ATRX: variants seen among roughly 807,000 people sequenced by gnomAD.
The protein encoded by ATRX is chromatin remodeler ATRX.
In ATRX, 12 loss-of-function variants were observed where a neutral mutation model predicts 172.6. The observed-to-expected ratio is 0.07, with a 90% CI of 0.04 to 0.11. The LOEUF (loss-of-function observed/expected upper bound fraction) is 0.11, where lower values mean the gene tolerates loss of function less well. ATRX is among the 10% of genes least tolerant of loss of function. The pLI is 1.00. For synonymous variants in ATRX, 674 were observed against 594.7 expected (o/e 1.13, Z -1.94); for missense variants, 1,368 against 1,767.4 (o/e 0.77, Z 4.05).
At position 77,574,267 on chromosome X, in the gene ATRX, A is replaced by C; in HGVS notation, c.6309T>G (p.Asn2103Lys). The change falls in exon 28 of 35, where the codon AAT becomes AAG. Residue 2103 changes from asparagine to lysine, a missense_variant. By Grantham distance (94) the Asn-to-Lys change is moderately conservative (BLOSUM62 0). Coordinates refer to ENST00000373344, the MANE Select transcript of ATRX (RefSeq NM_000489.6). ...QSRKKWAEEF[N>K]DETNVRGRLF... ...TTTCCTACCTCACATTAGTTTCATC[A>C]TTAAATTCTTCAGCCCACTTCTTCC... 1 of 1,201,883 alleles carries C rather than the reference A, an allele frequency of 8.3e-7. No individual in the cohort carries two copies.
At chrX:77,585,583 CAAAAAAAAAAAAAAAAAAAAAAAAAA>C (rs781792876) in intron 27 of ATRX, among the ~76,000 whole-genome samples, 109 of 8,556 alleles carry the variant, frequency 0.013, 3 homozygotes, top group South Asian at 0.068. Flanking sequence ...CTCCCCCCAC[CAAAAAAAAAAAAAAAAAAAAAAAAAA>C]AAAAAAAAAA....
At chrX:77,554,127 A>T (rs2064671641) in intron 30 of ATRX, among the ~76,000 whole-genome samples, 1 of 110,936 alleles carries the variant, frequency 9.0e-6, no homozygotes, top group African/African-American at 3.3e-5. Context: ...CAACATGGTG[A>T]AACCCCATCT....
chrX:77,747,966 A>C lies in ATRX; in HGVS notation c.21-30723T>G, dbSNP rs1303481303. On this transcript the variant is annotated intron_variant, in intron 1 of 34. Coordinates refer to ENST00000373344, the MANE Select transcript of ATRX (RefSeq NM_000489.6). ...AGAATACTTAATCCTGGTTTAAATA[A>C]GAGTCTGATTTCACCTTTGATAAAG... is the stretch of plus-strand genomic sequence containing the variant. Among the ~76,000 whole-genome samples, 5 of 111,643 alleles carry C rather than the reference A, an allele frequency of 4.5e-5. No individual in the cohort carries two copies. In the Admixed American group the frequency reaches 4.8e-4, roughly 11 times the overall value.
intron 10 of ATRX, among the ~76,000 whole-genome samples, chrX:77,671,170 ATATATATATATAT>A (rs2070581504): frequency 5.9e-5 from 3 of 50,523 alleles, no homozygotes; most frequent in African/African-American, 9.4e-5. Context: ...AAAAAAAAAT[ATATATATATATAT>A]ATATATATAT....
chrX:77,672,120 C>G (rs2070654797), intron 10 of ATRX, among the ~76,000 whole-genome samples: 1 of 110,599 alleles, frequency 9.0e-6, no homozygotes. Context: ...AACCCTTACT[C>G]AAATGGAAAA....
rs781864834 is a variant in ATRX at position 77,584,835 on chromosome X, C to T, written c.6217+4999G>A. Among the ~76,000 whole-genome samples, 10 of 110,717 alleles carry T rather than the reference C, an allele frequency of 9.0e-5. No homozygotes were observed. The South Asian group carries it at 3.1e-3, about 34-fold the overall frequency. On this transcript the variant is annotated intron_variant, in intron 27 of 34. Transcript: ENST00000373344. Reference sequence around the variant, plus strand: ...ATTTCATCAAGTTAAAAAGCTTCTGCGCAACAAAGGACACAGTCAACAAAG... The same window carrying T: ...ATTTCATCAAGTTAAAAAGCTTCTGTGCAACAAAGGACACAGTCAACAAAG...
intron 34 of ATRX, among the ~76,000 whole-genome samples, chrX:77,519,514 C>A (rs181308292): frequency 9.0e-6 from 1 of 110,888 alleles, no homozygotes; most frequent in African/African-American, 3.3e-5. Context: ...GTCAGAGGAT[C>A]GTTTAAGCCC....
At chrX:77,727,505 A>G (rs2074099254) in intron 1 of ATRX, among the ~76,000 whole-genome samples, 1 of 111,635 alleles carries the variant, frequency 9.0e-6, no homozygotes, top group Non-Finnish European at 1.9e-5. Flanking sequence ...CAGCCATAAA[A>G]AAAGGATCAG....
At chrX:77,709,752 G>C (rs1486135744) in intron 2 of ATRX, among the ~76,000 whole-genome samples, 4 of 109,859 alleles carry the variant, frequency 3.6e-5, no homozygotes, top group Non-Finnish European at 7.6e-5. Flanking sequence ...TTCATAACAA[G>C]CCTGGCCAAC....
intron 30 of ATRX, among the ~76,000 whole-genome samples, chrX:77,555,613 C>G (rs2064745867): frequency 9.0e-6 from 1 of 110,797 alleles, no homozygotes; most frequent in Non-Finnish European, 1.9e-5. Context: ...GAACAGAAAA[C>G]CAAACACTGC....
At chrX:77,773,290 C>T (rs967056383) in intron 1 of ATRX, among the ~76,000 whole-genome samples, 1 of 109,565 alleles carries the variant, frequency 9.1e-6, no homozygotes, top group Non-Finnish European at 1.9e-5. Context: ...AATTCATAAT[C>T]GGGGTGGTTG....
chrX:77,594,514 T>A (rs1237493807), intron 25 of ATRX: 1 of 112,644 alleles, frequency 8.9e-6, no homozygotes, highest in Non-Finnish European at 1.9e-5. Context: ...AGGTTTAGCA[T>A]GTTTATACAC....
chrX:77,652,102 G>T lies in ATRX; in HGVS notation c.4557+12C>A. On this transcript the variant is annotated intron_variant, in intron 15 of 34. Coordinates refer to ENST00000373344, the MANE Select transcript of ATRX (RefSeq NM_000489.6). ...GCTACAAAAGAAAAAGAAGAAGAAA[G>T]AAATTAGTTACCTCTCTCAATTTTT... is the stretch of plus-strand genomic sequence containing the variant. 1 of 1,208,476 alleles carries T rather than the reference G, an allele frequency of 8.3e-7. No homozygotes were observed. Among genetic ancestry groups the T allele is most frequent in the South Asian group, 1.8e-5 (1 of 56,885 alleles).
rs192917355 is a variant in ATRX, at chrX:77,685,072, C to G, written c.595-66G>C. 8,132 of 905,199 alleles carry G rather than the reference C, an allele frequency of 9.0e-3. 47 individuals carry two copies. Among genetic ancestry groups the G allele is most frequent in the Non-Finnish European group, 0.012 (7,184 of 622,413 alleles). The allele number at this position is 905,199 out of a possible 1,213,427, so 74.6% of individuals were successfully genotyped here. On this transcript the variant is annotated intron_variant, in intron 7 of 34. Coordinates refer to ENST00000373344, the MANE Select transcript of ATRX (RefSeq NM_000489.6). ...TGATAACATTCATAAAGGACAAAAA[C>G]TTTATTTTTTTAAGTAATTAAAAAC...
At chrX:77,594,099 G>C (rs782341396) in intron 25 of ATRX, 3 of 312,984 alleles carry the variant, frequency 9.6e-6, no homozygotes, top group Non-Finnish European at 1.7e-5. Context: ...GAACAAGCAA[G>C]AGATTGACTC....
chrX:77,649,328 G>T (rs185121559), intron 15 of ATRX, among the ~76,000 whole-genome samples: 3 of 111,478 alleles, frequency 2.7e-5, no homozygotes, highest in African/African-American at 9.8e-5. Flanking sequence ...TCCAACAGAT[G>T]CAATGAAAAG....
chrX:77,781,181 C>T (rs781844646), intron 1 of ATRX, among the ~76,000 whole-genome samples: 63 of 110,104 alleles, frequency 5.7e-4, no homozygotes, highest in Non-Finnish European at 9.4e-4. Context: ...GTGGCTCACA[C>T]CTGTAATCCT....
chrX:77,758,381 A>T (rs1212717648), intron 1 of ATRX, among the ~76,000 whole-genome samples: 5 of 105,934 alleles, frequency 4.7e-5, no homozygotes, highest in Admixed American at 1.0e-4. Context: ...CAAGAGCGAA[A>T]CTCCATCTCA....
intron 28 of ATRX, among the ~76,000 whole-genome samples, chrX:77,564,639 C>T (rs782326961): frequency 9.0e-6 from 1 of 110,734 alleles, no homozygotes; most frequent in African/African-American, 3.3e-5. Flanking sequence ...TCCTGCCTCA[C>T]TTCCCAAAAT....
Sources: allele counts gnomAD v4.1 joint callset (sites outside exome capture counted in the v4.1 genomes callset), GRCh38; gene constraint gnomAD v4.1.1; transcripts MANE v1.5; gene names NCBI Gene and HGNC (gene_info 2026-07-23, HGNC 2026-07-21).